Variants in GABRG3 observed in about 807,000 individuals in gnomAD.
GABRG3 encodes gamma-aminobutyric acid receptor subunit gamma-3.
In GABRG3, 25 loss-of-function variants were observed where a neutral mutation model predicts 48.8. That is an observed-to-expected ratio of 0.51 (90% confidence interval 0.37 to 0.72). The LOEUF (loss-of-function observed/expected upper bound fraction) is 0.72, where lower values mean the gene tolerates loss of function less well. GABRG3 is among the 30% of genes least tolerant of loss of function. GABRG3 has a pLI of 0.00. For synonymous variants in GABRG3, 227 were observed against 217.6 expected, an observed-to-expected ratio of 1.04 and a Z score of -0.38; for missense variants, 394 against 577.9, an observed-to-expected ratio of 0.68 and a Z score of 3.26.
intron 3 of GABRG3, among the ~76,000 whole-genome samples, chr15:27,256,828 C>T (rs1890636614): frequency 6.6e-6 from 1 of 152,198 alleles, no homozygotes; most frequent in African/African-American, 2.4e-5. Context: ...CACTGCTACA[C>T]TTTGAAGGGC....
At chr15:27,464,289 C>T (rs1889538150) in intron 5 of GABRG3, among the ~76,000 whole-genome samples, 1 of 152,170 alleles carries the variant, frequency 6.6e-6, no homozygotes, top group Admixed American at 6.5e-5. Flanking sequence ...CAGTCCCAGG[C>T]AACCACTGAT....
intron 3 of GABRG3, among the ~76,000 whole-genome samples, chr15:27,288,493 C>T (rs1182326614): frequency 6.6e-6 from 1 of 151,920 alleles, no homozygotes; most frequent in Non-Finnish European, 1.5e-5. Flanking sequence ...AGATCCCTTG[C>T]ACATGCAGTT....
intron 3 of GABRG3, among the ~76,000 whole-genome samples, chr15:27,153,758 T>G (rs2140398226): frequency 6.6e-6 from 1 of 152,338 alleles, no homozygotes; most frequent in South Asian, 2.1e-4. Flanking sequence ...TGAAGTTTAC[T>G]TATGTTACCC....
intron 6 of GABRG3, among the ~76,000 whole-genome samples, chr15:27,506,708 C>A (rs1359654907): frequency 6.6e-6 from 1 of 152,186 alleles, no homozygotes; most frequent in Non-Finnish European, 1.5e-5. Context: ...TCTTAAAACA[C>A]TACATCTGCA....
chr15:27,268,638 T>C (rs897363249), intron 3 of GABRG3, among the ~76,000 whole-genome samples: 1 of 152,230 alleles, frequency 6.6e-6, no homozygotes, highest in Admixed American at 6.5e-5. Context: ...AAGGTCTATC[T>C]TTAATATTGC....
chr15:27,350,151 C>G (rs1028427268), intron 5 of GABRG3: 2 of 455,918 alleles, frequency 4.4e-6, no homozygotes, highest in African/African-American at 2.0e-5. Flanking sequence ...TTCAGATTGT[C>G]TCTTCATGCA....
intron 5 of GABRG3, among the ~76,000 whole-genome samples, chr15:27,392,036 A>G (rs1408098371): frequency 1.3e-5 from 2 of 152,208 alleles, no homozygotes; most frequent in Non-Finnish European, 2.9e-5. Context: ...TAAATTTTTT[A>G]AAAATGATCT....
chr15:27,030,221 G>C (rs1208076964), intron 3 of GABRG3, among the ~76,000 whole-genome samples: 8 of 152,148 alleles, frequency 5.3e-5, no homozygotes, highest in Admixed American at 6.5e-5. Context: ...TAAAATTATG[G>C]CTTCTTGTCC....
At chr15:27,497,866 A>G (rs1189140687) in intron 6 of GABRG3, among the ~76,000 whole-genome samples, 1 of 152,172 alleles carries the variant, frequency 6.6e-6, no homozygotes, top group Non-Finnish European at 1.5e-5. Flanking sequence ...CAGGTCCATC[A>G]TTGAAACTTC....
At position 27,410,965 on chromosome 15, in the gene GABRG3, A is replaced by G. The variant is rs562948694; in HGVS notation, c.575-69685A>G. 1.4e-4 allele frequency among the ~76,000 whole-genome samples: 22 copies of G among 152,124 alleles called. No individual in the cohort carries two copies. In the East Asian group the frequency reaches 3.9e-3, roughly 27 times the overall value. ...TCATTCTAAAGTTCGTCTTTCACAG[A>G]TATTGAAGATCCATCAGCGATGAGA... On this transcript the variant is annotated intron_variant, in intron 5 of 9. Coordinates refer to ENST00000615808, the MANE Select transcript of GABRG3 (RefSeq NM_033223.5).
intron 3 of GABRG3, among the ~76,000 whole-genome samples, chr15:27,277,929 C>G (rs907281752): frequency 1.3e-5 from 2 of 152,164 alleles, no homozygotes; most frequent in Non-Finnish European, 2.9e-5. Context: ...GGGACCACAT[C>G]TATCATAATA....
rs747948169 is a variant in GABRG3 at position 26,977,072 on chromosome 15, T to C, written c.124T>C (p.Ser42Pro). The C allele has an allele frequency of 1.2e-6, 2 of 1,613,808 alleles. No homozygotes were observed. The highest frequency in any genetic ancestry group is 1.7e-6 in the Non-Finnish European group (2 of 1,179,828). Reference protein sequence around the residue: ...SNQKWVLAPKSQDTDVTLILN... With the variant: ...SNQKWVLAPKPQDTDVTLILN... ...CCAAAAGTGGGTCTTGGCTCCAAAA[T>C]CCCAAGACACCGACGTGACTCTTAT... The change falls in exon 2 of 10, where the codon TCC becomes CCC. Residue 42 changes from serine (S) to proline (P), a missense_variant. Ser to Pro is a moderately conservative substitution (Grantham distance 74, BLOSUM62 -1). Transcript: ENST00000615808.
chr15:27,039,564 G>A, intron 3 of GABRG3, among the ~76,000 whole-genome samples: 1 of 152,212 alleles, frequency 6.6e-6, no homozygotes, highest in Non-Finnish European at 1.5e-5. Flanking sequence ...AGCATGAAGT[G>A]TTATGAAGAC....
At chr15:27,001,928 G>A (rs1895456703) in intron 2 of GABRG3, among the ~76,000 whole-genome samples, 1 of 140,426 alleles carries the variant, frequency 7.1e-6, no homozygotes, top group South Asian at 2.3e-4. Flanking sequence ...GCAAACTAGA[G>A]TGTTTAGGGA....
chr15:27,234,454 G>T (rs2140449625), intron 3 of GABRG3, among the ~76,000 whole-genome samples: 1 of 152,290 alleles, frequency 6.6e-6, no homozygotes, highest in East Asian at 1.9e-4. Flanking sequence ...CCTTGCTAAG[G>T]TTGCTGTGGT....
chr15:27,110,689 T>G (rs377136211), intron 3 of GABRG3, among the ~76,000 whole-genome samples: 1 of 152,130 alleles, frequency 6.6e-6, no homozygotes, highest in South Asian at 2.1e-4. Flanking sequence ...TTGAACAATT[T>G]AAATATTTTC....
chr15:27,377,509 A>G (rs1348235956), intron 5 of GABRG3, among the ~76,000 whole-genome samples: 1 of 152,216 alleles, frequency 6.6e-6, no homozygotes, highest in African/African-American at 2.4e-5. Flanking sequence ...GGCAGACGGT[A>G]AAAGGCATGT....
chr15:27,509,076 A>G (rs184227068), intron 6 of GABRG3, among the ~76,000 whole-genome samples: 1 of 152,242 alleles, frequency 6.6e-6, no homozygotes, highest in Admixed American at 6.5e-5. Flanking sequence ...CACTTTTGGA[A>G]AGTGTTTTTA....
At chr15:27,022,180 T>C (rs1895907468) in intron 2 of GABRG3, among the ~76,000 whole-genome samples, 1 of 152,214 alleles carries the variant, frequency 6.6e-6, no homozygotes, top group Non-Finnish European at 1.5e-5. Context: ...TAAATCATGC[T>C]GTCATAAGTC....
Sources: allele counts gnomAD v4.1 joint callset (sites outside exome capture counted in the v4.1 genomes callset), GRCh38; gene constraint gnomAD v4.1.1; transcripts MANE v1.5; gene names NCBI Gene and HGNC (gene_info 2026-07-23, HGNC 2026-07-21).